RBFOX1: variants seen among roughly 807,000 people sequenced by gnomAD.
RBFOX1 encodes the protein RNA binding fox-1 homolog 1, also known as RNA binding protein fox-1 homolog 1.
A neutral mutation model predicts 57.7 loss-of-function variants in RBFOX1; 8 were observed. The observed-to-expected ratio is 0.14, with a 90% CI of 0.08 to 0.25. The LOEUF (loss-of-function observed/expected upper bound fraction) is 0.25. Ranked by LOEUF, RBFOX1 falls within the 10% of genes least tolerant of loss-of-function variation. RBFOX1 has a pLI of 1.00. For synonymous variants in RBFOX1, 326 were observed against 222.4 expected, an observed-to-expected ratio of 1.47 and a Z score of -4.15; for missense variants, 611 against 548.5, an observed-to-expected ratio of 1.11 and a Z score of -1.14.
chr16:7,231,991 G>A (rs576446038), intron 4 of RBFOX1, among the ~76,000 whole-genome samples: 1 of 152,172 alleles, frequency 6.6e-6, no homozygotes, highest in African/African-American at 2.4e-5. Flanking sequence ...GGTGGTGGTT[G>A]CATAACATTT....
intron 4 of RBFOX1, among the ~76,000 whole-genome samples, chr16:7,382,411 T>C (rs1397620175): frequency 1.3e-5 from 2 of 152,254 alleles, no homozygotes; most frequent in Non-Finnish European, 2.9e-5. Flanking sequence ...AGATAATCAT[T>C]CACCTTGATT....
chr16:7,536,217 G>C (rs922211206), intron 5 of RBFOX1, among the ~76,000 whole-genome samples: 1 of 152,236 alleles, frequency 6.6e-6, no homozygotes, highest in Non-Finnish European at 1.5e-5. Context: ...GAAAGGTAGA[G>C]GGTGATGTGC....
intron 9 of RBFOX1, among the ~76,000 whole-genome samples, chr16:7,606,363 T>G (rs759430871): frequency 3.9e-5 from 6 of 152,066 alleles, no homozygotes; most frequent in Non-Finnish European, 7.4e-5. Context: ...CCTCGTGATC[T>G]CCCTGCCTTG....
At chr16:7,024,639 G>C (rs1247827150) in intron 3 of RBFOX1, among the ~76,000 whole-genome samples, 3 of 152,144 alleles carry the variant, frequency 2.0e-5, no homozygotes, top group African/African-American at 7.2e-5. Context: ...TTTGTTTGAT[G>C]CTTAGGGAGA....
chr16:5,918,190 G>A (rs1043413415), intron 4 of RBFOX1, among the ~76,000 whole-genome samples: 6 of 152,150 alleles, frequency 3.9e-5, no homozygotes, highest in Non-Finnish European at 2.9e-5. Flanking sequence ...CACAATCTCA[G>A]GTCACTGCAA....
intron 1 of RBFOX1, among the ~76,000 whole-genome samples, chr16:6,105,896 T>C (rs1597361050): frequency 6.6e-6 from 1 of 152,168 alleles, no homozygotes; most frequent in South Asian, 2.1e-4. Flanking sequence ...TCATTAAATA[T>C]TCTTCAAAAA....
intron 3 of RBFOX1, among the ~76,000 whole-genome samples, chr16:6,780,227 A>T (rs1303613278): frequency 1.2e-3 from 82 of 67,658 alleles, no homozygotes; most frequent in Middle Eastern, 0.021. Flanking sequence ...ATTTATATAT[A>T]TATTTATATA....
At chr16:5,844,689 C>A (rs1342486559) in intron 3 of RBFOX1, among the ~76,000 whole-genome samples, 2 of 152,196 alleles carry the variant, frequency 1.3e-5, no homozygotes, top group African/African-American at 2.4e-5. Context: ...TGTCTTTTCT[C>A]TGCCTTCTTA....
intron 2 of RBFOX1, among the ~76,000 whole-genome samples, chr16:6,631,019 C>A (rs2098378777): frequency 6.6e-6 from 1 of 151,852 alleles, no homozygotes; most frequent in Non-Finnish European, 1.5e-5. Flanking sequence ...TGGTTGTCAA[C>A]CCAGCTGGAA....
chr16:6,216,340 T>C (rs2097335739), intron 1 of RBFOX1, among the ~76,000 whole-genome samples: 1 of 152,130 alleles, frequency 6.6e-6, no homozygotes, highest in Non-Finnish European at 1.5e-5. Flanking sequence ...GTGATTTCTT[T>C]TATTAGGCTG....
intron 3 of RBFOX1, among the ~76,000 whole-genome samples, chr16:6,865,935 G>A (rs118158286): frequency 6.6e-6 from 1 of 151,950 alleles, no homozygotes; most frequent in Non-Finnish European, 1.5e-5. Flanking sequence ...CACCTCATTT[G>A]GTTCTTGCAC....
At chr16:5,417,844 G>A (rs1168174094) in intron 1 of RBFOX1, among the ~76,000 whole-genome samples, 1 of 152,154 alleles carries the variant, frequency 6.6e-6, no homozygotes, top group Non-Finnish European at 1.5e-5. Flanking sequence ...ACTTTGAGAG[G>A]CCGAGGTGGG....
chr16:5,891,883 C>T (rs2058052330), intron 4 of RBFOX1, among the ~76,000 whole-genome samples: 1 of 152,186 alleles, frequency 6.6e-6, no homozygotes, highest in South Asian at 2.1e-4. Context: ...ACAAAAACAA[C>T]AGCAGCACAC....
At chr16:7,153,397 C>T (rs2152304194) in intron 4 of RBFOX1, among the ~76,000 whole-genome samples, 1 of 152,150 alleles carries the variant, frequency 6.6e-6, no homozygotes, top group Non-Finnish European at 1.5e-5. Flanking sequence ...GTCCCACCTT[C>T]CAGGAAAAAT....
chr16:6,105,770 A>G (rs1239564535), intron 1 of RBFOX1, among the ~76,000 whole-genome samples: 1 of 151,928 alleles, frequency 6.6e-6, no homozygotes, highest in African/African-American at 2.4e-5. Context: ...TTTACCTTTT[A>G]TTTATGTTTT....
intron 4 of RBFOX1, among the ~76,000 whole-genome samples, chr16:7,153,931 AC>A (rs2076587404): frequency 6.6e-6 from 1 of 152,002 alleles, no homozygotes; most frequent in South Asian, 2.1e-4. Context: ...TTTAAAAAAA[AC>A]CCTTTTAAAT....
intron 1 of RBFOX1, among the ~76,000 whole-genome samples, chr16:5,281,366 G>A (rs2063267566): frequency 6.6e-6 from 1 of 152,280 alleles, no homozygotes; most frequent in African/African-American, 2.4e-5. Flanking sequence ...CCTGGAGAAT[G>A]TTCCATGTGT....
chr16:6,427,368 G>A (rs1224277595), intron 2 of RBFOX1, among the ~76,000 whole-genome samples: 2 of 152,168 alleles, frequency 1.3e-5, no homozygotes, highest in African/African-American at 2.4e-5. Flanking sequence ...ATAGGAAACG[G>A]TTCCCACATT....
At position 7,710,857 on chromosome 16, in the gene RBFOX1, A is replaced by AT. The variant is rs1491049423; in HGVS notation, c.*112_*113insT. ...TTTTAGCAACTCTAAAAAAAAAAAAAATACAAATAAAAAGGAAAAAAAATT... is the reference window on the plus strand; with the variant it reads ...TTTTAGCAACTCTAAAAAAAAAAAAATATACAAATAAAAAGGAAAAAAAATT... On this transcript the variant is annotated 3_prime_UTR_variant, in exon 16 of 16. Transcript: ENST00000550418. 2.1e-5 allele frequency: 22 copies of AT among 1,049,156 alleles called. No individual in the cohort carries two copies. Among genetic ancestry groups the AT allele is most frequent in the East Asian group, 3.2e-5 (1 of 31,634 alleles). The allele number at this position is 1,049,156 out of a possible 1,614,324, so 65.0% of individuals were successfully genotyped here.
Sources: allele counts gnomAD v4.1 joint callset (sites outside exome capture counted in the v4.1 genomes callset), GRCh38; gene constraint gnomAD v4.1.1; transcripts MANE v1.5; gene names NCBI Gene and HGNC (gene_info 2026-07-23, HGNC 2026-07-21).